The following CDH13 variants were observed in gnomAD, a reference collection of about 807,000 sequenced individuals.
CDH13 encodes cadherin-13.
In CDH13, 24 loss-of-function variants were observed where a neutral mutation model predicts 63.8. The observed-to-expected ratio is 0.38, with a 90% confidence interval of 0.27 to 0.53. The LOEUF (loss-of-function observed/expected upper bound fraction) is 0.53. Among genes scored for constraint, CDH13 ranks in the 20% least tolerant of loss-of-function variants. CDH13 has a pLI of 0.85. For synonymous variants in CDH13, 503 were observed against 355.3 expected (o/e 1.42, Z -4.67); for missense variants, 1,049 against 903.1 (o/e 1.16, Z -2.07).
chr16:82,729,632 G>A (rs2033289514), intron 1 of CDH13, among the ~76,000 whole-genome samples: 2 of 152,134 alleles, frequency 1.3e-5, no homozygotes, highest in South Asian at 2.1e-4. Flanking sequence ...AGGGCCCTAG[G>A]ATTTTCAGAA....
intron 3 of CDH13, among the ~76,000 whole-genome samples, chr16:83,114,807 G>A (rs1361008709): frequency 6.6e-6 from 1 of 152,156 alleles, no homozygotes; most frequent in Admixed American, 6.5e-5. Context: ...TGTAGCCCCA[G>A]GTACTTCAAA....
At chr16:83,616,989 C>T (rs1202277021) in intron 8 of CDH13, among the ~76,000 whole-genome samples, 1 of 152,128 alleles carries the variant, frequency 6.6e-6, no homozygotes, top group Admixed American at 6.6e-5. Flanking sequence ...CCAATTTATC[C>T]TTCACCACCC....
intron 7 of CDH13, among the ~76,000 whole-genome samples, chr16:83,567,831 G>A (rs1007774849): frequency 2.0e-5 from 3 of 151,986 alleles, no homozygotes; most frequent in Admixed American, 2.0e-4. Context: ...TCCTGACCTC[G>A]TGATCCACCT....
chr16:83,006,795 A>C lies in CDH13; in HGVS notation c.158-25215A>C, dbSNP rs1597394990. On this transcript the variant is annotated intron_variant, in intron 2 of 13. Transcript: ENST00000567109. ...TCCCAATAAGTTATTTGGATGTTTTAGAATAGAATAACGCCATTTGTTGAA... is the reference window on the plus strand; with the variant it reads ...TCCCAATAAGTTATTTGGATGTTTTCGAATAGAATAACGCCATTTGTTGAA... 2.0e-5 allele frequency among the ~76,000 whole-genome samples: 3 copies of C among 152,350 alleles called. No individual in the cohort carries two copies. In the East Asian group the frequency reaches 5.8e-4, roughly 29 times the overall value.
chr16:83,101,909 G>A (rs1467783225), intron 3 of CDH13, among the ~76,000 whole-genome samples: 2 of 152,198 alleles, frequency 1.3e-5, no homozygotes, highest in Non-Finnish European at 2.9e-5. Flanking sequence ...AAGGCCCCAG[G>A]ATTGTTCACA....
intron 4 of CDH13, among the ~76,000 whole-genome samples, chr16:83,132,728 T>TC (rs1054479475): frequency 2.0e-5 from 3 of 151,944 alleles, no homozygotes; most frequent in Non-Finnish European, 4.4e-5. Context: ...GGCCTTAATT[T>TC]CCCCCTTTTA....
chr16:83,786,080 G>C (rs527951006), intron 13 of CDH13, among the ~76,000 whole-genome samples: 2 of 152,136 alleles, frequency 1.3e-5, no homozygotes, highest in Non-Finnish European at 2.9e-5. Context: ...AGGAGGGTAC[G>C]GTGAGATGAC....
intron 6 of CDH13, among the ~76,000 whole-genome samples, chr16:83,480,584 C>T (rs944382047): frequency 5.3e-5 from 8 of 152,170 alleles, no homozygotes; most frequent in Non-Finnish European, 1.0e-4. Context: ...CCAGGCACTA[C>T]AGTCACATTT....
chr16:83,701,452 T>A (rs1906214310), intron 10 of CDH13, among the ~76,000 whole-genome samples: 1 of 152,176 alleles, frequency 6.6e-6, no homozygotes, highest in African/African-American at 2.4e-5. Flanking sequence ...CCACATCCGG[T>A]CGTAGGCCGT....
intron 1 of CDH13, among the ~76,000 whole-genome samples, chr16:82,691,830 G>A (rs750172106): frequency 6.6e-5 from 10 of 151,976 alleles, no homozygotes; most frequent in Non-Finnish European, 1.2e-4. Flanking sequence ...GATGATGCTG[G>A]ACTAGCAGCA....
rs957381528 is a variant in CDH13 at position 83,171,475 on chromosome 16, C to T, written c.484-45870C>T. 34 of 1,449,166 alleles carry T rather than the reference C, an allele frequency of 2.3e-5. No individual in the cohort carries two copies. The African/African-American group carries it at 3.8e-4, about 16-fold the overall frequency. 89.8% of individuals were successfully genotyped at this position (1,449,166 alleles called of 1,614,324 possible). On this transcript the variant is annotated intron_variant, in intron 4 of 13. Transcript: ENST00000567109. The stretch of plus-strand genomic sequence containing the variant: ...ATCAAAAGCTTTTCTAATTAGGTTA[C>T]TCATTCTATGAAAATAGACTGCCCA...
intron 8 of CDH13, among the ~76,000 whole-genome samples, chr16:83,669,064 T>C (rs926545831): frequency 1.3e-5 from 2 of 152,198 alleles, no homozygotes; most frequent in African/African-American, 4.8e-5. Context: ...TGCTGAGTCC[T>C]AGGCTTTACC....
At chr16:82,998,480 A>G (rs1273228033) in intron 2 of CDH13, among the ~76,000 whole-genome samples, 4 of 152,134 alleles carry the variant, frequency 2.6e-5, no homozygotes, top group African/African-American at 9.7e-5. Context: ...CTTGGTGATA[A>G]TAAAGCATGA....
chr16:83,181,657 G>T (rs1278168959), intron 4 of CDH13, among the ~76,000 whole-genome samples: 1 of 152,158 alleles, frequency 6.6e-6, no homozygotes, highest in Non-Finnish European at 1.5e-5. Context: ...GGGGAGAAGA[G>T]GGGATGACTT....
chr16:82,673,029 A>T (rs1284122343), intron 1 of CDH13, among the ~76,000 whole-genome samples: 3 of 36,734 alleles, frequency 8.2e-5, no homozygotes, highest in Admixed American at 2.8e-4. Context: ...TGTAGAGATG[A>T]TGGGGTCTTC....
chr16:83,366,526 T>G (rs747724674), intron 6 of CDH13, among the ~76,000 whole-genome samples: 1 of 152,140 alleles, frequency 6.6e-6, no homozygotes, highest in African/African-American at 2.4e-5. Flanking sequence ...ATGCTGGGAT[T>G]TGAAGTGGAA....
At chr16:82,955,697 T>C (rs2151330684) in intron 2 of CDH13, among the ~76,000 whole-genome samples, 1 of 152,326 alleles carries the variant, frequency 6.6e-6, no homozygotes, top group Middle Eastern at 3.4e-3. Flanking sequence ...AAATAAACTT[T>C]GAAGGAAACT....
At chr16:83,708,208 C>T (rs1041314233) in intron 10 of CDH13, among the ~76,000 whole-genome samples, 1 of 152,224 alleles carries the variant, frequency 6.6e-6, no homozygotes, top group African/African-American at 2.4e-5. Context: ...CGTCCTTTTG[C>T]TCATGGCCAC....
intron 8 of CDH13, among the ~76,000 whole-genome samples, chr16:83,664,157 A>T (rs1393806065): frequency 1.3e-5 from 2 of 150,598 alleles, no homozygotes; most frequent in African/African-American, 4.9e-5. Context: ...ATCTGCTTCA[A>T]AAAAAAAAGG....
Sources: gnomAD v4.1 joint callset for allele counts (sites outside exome capture counted in the v4.1 genomes callset) on GRCh38, gnomAD v4.1.1 for gene constraint, MANE v1.5 for transcripts, NCBI Gene and HGNC (gene_info 2026-07-23, HGNC 2026-07-21) for gene names.